RASGRF2: variants seen among roughly 807,000 people sequenced by gnomAD.
RASGRF2 encodes the protein ras-specific guanine nucleotide-releasing factor 2.
Under a neutral mutation model 151.0 loss-of-function variants are expected in RASGRF2, and 76 were observed. The observed-to-expected ratio is 0.50, with a 90% CI of 0.42 to 0.61. RASGRF2 has a LOEUF of 0.61. Ranked by LOEUF, RASGRF2 falls within the 20% of genes least tolerant of loss-of-function variation. RASGRF2 has a pLI of 0.00. For missense variants in RASGRF2, 1,148 were observed against 1,564.6 expected (o/e 0.73, Z 4.49); for synonymous variants, 504 against 566.5 (o/e 0.89, Z 1.57).
intron 1 of RASGRF2, among the ~76,000 whole-genome samples, chr5:81,023,444 G>A (rs1273320507): frequency 3.3e-5 from 5 of 152,264 alleles, no homozygotes; most frequent in East Asian, 3.9e-4. Context: ...GACCTGTGAA[G>A]CCCCAGATCT....
At chr5:81,049,759 C>T (rs1344394182) in intron 2 of RASGRF2, among the ~76,000 whole-genome samples, 2 of 152,164 alleles carry the variant, frequency 1.3e-5, no homozygotes, top group Non-Finnish European at 2.9e-5. Context: ...GAAATGACCT[C>T]CTGAGGGCCA....
Position 81,035,602 on chromosome 5 carries a change from A to G in RASGRF2, c.289-7275A>G, listed in dbSNP as rs1444426849. On this transcript the variant is annotated intron_variant, in intron 1 of 26. Coordinates refer to ENST00000265080, the MANE Select transcript of RASGRF2 (RefSeq NM_006909.3). ...GTTGTGCACATGTATCCTAGAACTT[A>G]AAGTATAATTAAAACAAAATTAAAA... Among the ~76,000 whole-genome samples the G allele has an allele frequency of 7.2e-5, 11 of 151,800 alleles. No homozygotes were observed. In the East Asian group the frequency reaches 7.7e-4, roughly 11 times the overall value.
chr5:81,183,129 A>G (rs927531915), intron 18 of RASGRF2: 2 of 950,070 alleles, frequency 2.1e-6, no homozygotes, highest in African/African-American at 1.8e-5. Context: ...TCTCAAAACT[A>G]CAGCCAAGCA....
At chr5:81,197,018 A>G (rs1755279941) in intron 18 of RASGRF2, among the ~76,000 whole-genome samples, 1 of 152,238 alleles carries the variant, frequency 6.6e-6, no homozygotes, top group Non-Finnish European at 1.5e-5. Flanking sequence ...AACTAATAGC[A>G]AAAAGGTGTT....
At chr5:81,172,434 C>CGTGTGTGT (rs57957668) in intron 17 of RASGRF2, among the ~76,000 whole-genome samples, 17 of 145,616 alleles carry the variant, frequency 1.2e-4, no homozygotes, top group African/African-American at 3.5e-4. Context: ...CAAGGATGTG[C>CGTGTGTGT]GTGTGTGTGT....
chr5:81,080,492 ATG>A, intron 6 of RASGRF2, 102 bp from the exon 7 acceptor site: 1 of 1,237,336 alleles, frequency 8.1e-7, no homozygotes, highest in Non-Finnish European at 1.1e-6. Flanking sequence ...GGCTCCATGC[ATG>A]TGTGACACCT....
intron 1 of RASGRF2, among the ~76,000 whole-genome samples, chr5:81,006,751 C>T (rs1276326201): frequency 6.6e-6 from 1 of 152,180 alleles, no homozygotes; most frequent in Non-Finnish European, 1.5e-5. Context: ...CTCTGAAGTT[C>T]CCTTATCTGC....
chr5:81,085,683 A>G, intron 7 of RASGRF2, 119 bp from the exon 8 acceptor site: 1 of 1,457,274 alleles, frequency 6.9e-7, no homozygotes, highest in Non-Finnish European at 9.1e-7. Context: ...AAAAATGTGT[A>G]AAACAGTAAA....
chr5:81,037,514 A>G (rs888843297), intron 1 of RASGRF2, among the ~76,000 whole-genome samples: 2 of 152,106 alleles, frequency 1.3e-5, no homozygotes, highest in African/African-American at 4.8e-5. Flanking sequence ...AAATTTCATG[A>G]TGATGTCCCT....
chr5:81,055,909 T>C (rs1278355521), intron 2 of RASGRF2, among the ~76,000 whole-genome samples: 1 of 152,222 alleles, frequency 6.6e-6, no homozygotes, highest in Non-Finnish European at 1.5e-5. Flanking sequence ...TTTTCTAGTT[T>C]ATTTTCGTAG....
At position 81,206,866 on chromosome 5, in the gene RASGRF2, A is replaced by C. The variant is rs1755519469; in HGVS notation, c.2928A>C (p.Gln976His). 6.2e-7 allele frequency: 1 copy of C among 1,611,108 alleles called. No individual in the cohort carries two copies. The highest frequency in any genetic ancestry group is 1.3e-5 in the African/African-American group (1 of 74,882). ...TCAGGGCCCTTTCACAAGATGACCAAGATGACATCCACCTAAAATTAGAGG... is the reference window on the plus strand; with the variant it reads ...TCAGGGCCCTTTCACAAGATGACCACGATGACATCCACCTAAAATTAGAGG... Reference protein sequence around the residue: ...NILRALSQDDQDDIHLKLEDI... With the variant: ...NILRALSQDDHDDIHLKLEDI... The change falls in exon 20 of 27, where the codon CAA (glutamine) becomes CAC (histidine). Residue 976 changes from glutamine to histidine, a missense_variant. Around this residue, in one of 5 missense-constraint regions of RASGRF2, gnomAD observed 646 missense variants for 807.4 expected, o/e 0.80. Transcript: ENST00000265080.
intron 13 of RASGRF2, among the ~76,000 whole-genome samples, chr5:81,111,790 A>G (rs1245081539): frequency 6.6e-6 from 1 of 152,202 alleles, no homozygotes; most frequent in Non-Finnish European, 1.5e-5. Context: ...ACCTAACCCT[A>G]TATCCATCAG....
chr5:81,059,628 C>T (rs1580265899), intron 2 of RASGRF2, among the ~76,000 whole-genome samples: 1 of 151,892 alleles, frequency 6.6e-6, no homozygotes, highest in South Asian at 2.1e-4. Context: ...GGGTGAATCA[C>T]GAGGTCATGA....
chr5:81,219,894 G>C, intron 26 of RASGRF2, 116 bp downstream of exon 26: 8 of 496,302 alleles, frequency 1.6e-5, no homozygotes, highest in East Asian at 4.4e-5. Context: ...GAAAAGACCA[G>C]TAAAATAGAA....
At chr5:81,041,560 C>T (rs185817204) in intron 1 of RASGRF2, among the ~76,000 whole-genome samples, 3 of 152,270 alleles carry the variant, frequency 2.0e-5, no homozygotes, top group African/African-American at 4.8e-5. Flanking sequence ...TCTGAGGACT[C>T]TCCTTGTTGT....
intron 15 of RASGRF2, among the ~76,000 whole-genome samples, chr5:81,121,934 TTC>T (rs1479368895): frequency 6.6e-6 from 1 of 152,194 alleles, no homozygotes; most frequent in Admixed American, 6.5e-5. Flanking sequence ...TGTTTCTGTG[TTC>T]TTAGTTTGAA....
chr5:80,961,006 C>G lies in RASGRF2; in HGVS notation c.268C>G (p.Arg90Gly). The G allele has an allele frequency of 6.6e-7, 1 of 1,516,826 alleles. No homozygotes were observed. Among genetic ancestry groups the G allele is most frequent in the Non-Finnish European group, 8.9e-7 (1 of 1,126,146 alleles). 94.0% of individuals were successfully genotyped at this position (1,516,826 alleles called of 1,614,324 possible). The change falls in exon 1 of 27, where the codon CGA (arginine) becomes GGA (glycine). Residue 90 changes from arginine (R) to glycine (G), a missense_variant. This residue lies in a region of RASGRF2 where 221 missense variants were observed against 271.3 expected (regional missense o/e 0.81). Coordinates refer to ENST00000265080, the MANE Select transcript of RASGRF2 (RefSeq NM_006909.3). Reference sequence around the variant, plus strand: ...GGCCGGCGCCGGGCAGGGAGGCGTCCGAGACGCGCTGGACAAGCAGGTACC... The same window carrying G: ...GGCCGGCGCCGGGCAGGGAGGCGTCGGAGACGCGCTGGACAAGCAGGTACC... ...PRAGAGQGGVRDALDKQYYFT... is the reference protein window; with the variant it reads ...PRAGAGQGGVGDALDKQYYFT...
At chr5:80,961,197 C>T (rs1331895752) in intron 1 of RASGRF2, among the ~76,000 whole-genome samples, 171 bp downstream of exon 1, 3 of 152,240 alleles carry the variant, frequency 2.0e-5, no homozygotes, top group Non-Finnish European at 4.4e-5. Context: ...GATCTTCATC[C>T]AGGGATTCTC....
At chr5:80,966,467 A>G (rs1747727958) in intron 1 of RASGRF2, among the ~76,000 whole-genome samples, 1 of 152,192 alleles carries the variant, frequency 6.6e-6, no homozygotes, top group Non-Finnish European at 1.5e-5. Flanking sequence ...ATTTTATAAC[A>G]TTTGGCCTTT....
Sources: gnomAD v4.1 joint callset for allele counts (sites outside exome capture counted in the v4.1 genomes callset) on GRCh38, gnomAD v4.1.1 for gene constraint, gnomAD v4.1.1 regional missense constraint, MANE v1.5 for transcripts, NCBI Gene and HGNC (gene_info 2026-07-23, HGNC 2026-07-21) for gene names.